CERS3: variants seen among roughly 807,000 people sequenced by gnomAD.
CERS3 encodes the protein LAG1 homolog, ceramide synthase 3.
In CERS3, 33 loss-of-function variants were observed where a neutral mutation model predicts 50.3. That is an observed-to-expected ratio of 0.66 (90% confidence interval 0.50 to 0.88). The LOEUF is 0.88. Among genes scored for constraint, CERS3 ranks in the 40% least tolerant of loss-of-function variants. CERS3 has a pLI of 0.00. For synonymous variants in CERS3, 176 were observed against 155.2 expected, an observed-to-expected ratio of 1.13 and a Z score of -0.99; for missense variants, 470 against 460.3, an observed-to-expected ratio of 1.02 and a Z score of -0.19.
At chr15:100,419,705 A>G (rs1041011001) in intron 11 of CERS3, among the ~76,000 whole-genome samples, 5 of 152,040 alleles carry the variant, frequency 3.3e-5, no homozygotes, top group African/African-American at 1.2e-4. Context: ...CAGCAAATGT[A>G]AAAGAATAGA....
intron 11 of CERS3, 152 bp downstream of exon 11, chr15:100,455,741 C>T (rs1567629871): frequency 1.1e-5 from 5 of 457,216 alleles, no homozygotes; most frequent in Non-Finnish European, 1.4e-5. Flanking sequence ...AAAAATCTAG[C>T]TCTATTTTTC....
At chr15:100,466,779 TCCTTCCTTCCTTCCTC>T (rs1191623528) in intron 10 of CERS3, among the ~76,000 whole-genome samples, 10 of 43,032 alleles carry the variant, frequency 2.3e-4, no homozygotes, top group Admixed American at 5.1e-4. Flanking sequence ...CTTCCTTCCT[TCCTTCCTTCCTTCCTC>T]CCTCCCTCCC....
At chr15:100,435,623 G>A (rs992180077) in intron 11 of CERS3, among the ~76,000 whole-genome samples, 10 of 152,176 alleles carry the variant, frequency 6.6e-5, no homozygotes, top group South Asian at 4.1e-4. Context: ...ATTGACAAAT[G>A]GGATCTAATT....
In CERS3 at chr15:100,402,666, A is replaced by G. The variant is rs2142036464; in HGVS notation, c.*47T>C. On this transcript the variant is annotated 3_prime_UTR_variant, in exon 12 of 12. Transcript: ENST00000679737. The stretch of plus-strand genomic sequence containing the variant: ...GTGGGGCCTGGAAGCCAGGCTGCCA[A>G]CAGTACTTGCAGCATGCTGTGCCAT... 1.3e-6 allele frequency: 2 copies of G among 1,584,560 alleles called. No individual in the cohort carries two copies. The highest frequency in any genetic ancestry group is 2.3e-5 in the East Asian group (1 of 44,104).
chr15:100,513,540 C>T (rs201273634), intron 2 of CERS3, among the ~76,000 whole-genome samples: 27 of 143,954 alleles, frequency 1.9e-4, no homozygotes, highest in African/African-American at 5.1e-4. Context: ...GTTTTCTTTT[C>T]TTTTTTTTTT....
chr15:100,496,649 A>T (rs115691663), intron 3 of CERS3, among the ~76,000 whole-genome samples: 2,199 of 152,270 alleles, frequency 0.014, 54 homozygotes, highest in African/African-American at 0.05. Context: ...TTTTGGATGA[A>T]CTTTATTGTA....
intron 3 of CERS3, among the ~76,000 whole-genome samples, chr15:100,498,649 C>T (rs150391646): frequency 3.9e-5 from 6 of 152,174 alleles, no homozygotes; most frequent in African/African-American, 1.2e-4. Flanking sequence ...GACGGCCCCC[C>T]CTTTGTCTAG....
chr15:100,422,940 T>TG (rs1175573780), intron 11 of CERS3, among the ~76,000 whole-genome samples: 499 of 11,446 alleles, frequency 0.044, 6 homozygotes, highest in African/African-American at 0.14. Flanking sequence ...TGTTGTGGGG[T>TG]GGGGGGGAGG....
upstream of CERS3, among the ~76,000 whole-genome samples, chr15:100,533,529 G>A (rs916068537): frequency 1.6e-4 from 22 of 133,734 alleles, no homozygotes; most frequent in Admixed American, 4.6e-4. Flanking sequence ...TTTCTCTTTC[G>A]TTCCTTCTTT....
At chr15:100,410,158 T>G (rs1483826592) in intron 11 of CERS3, among the ~76,000 whole-genome samples, 3 of 152,174 alleles carry the variant, frequency 2.0e-5, no homozygotes, top group Non-Finnish European at 4.4e-5. Flanking sequence ...GGTCATGATT[T>G]TTGCGAGGTC....
At chr15:100,481,583 G>A (rs754141874) in intron 5 of CERS3, among the ~76,000 whole-genome samples, 14 of 152,196 alleles carry the variant, frequency 9.2e-5, no homozygotes, top group Non-Finnish European at 1.8e-4. Flanking sequence ...CAGCTCCATC[G>A]GGCACGGTGC....
intron 11 of CERS3, among the ~76,000 whole-genome samples, chr15:100,452,038 A>G (rs886478688): frequency 1.3e-5 from 2 of 152,222 alleles, no homozygotes; most frequent in African/African-American, 4.8e-5. Flanking sequence ...GGAGACTTCA[A>G]CACCCTCCTA....
At chr15:100,421,245 C>G (rs1313218119) in intron 11 of CERS3, among the ~76,000 whole-genome samples, 4 of 149,684 alleles carry the variant, frequency 2.7e-5, no homozygotes, top group South Asian at 4.2e-4. Flanking sequence ...TCTCAGGATA[C>G]AAAATCAATG....
At chr15:100,464,433 C>T (rs1464602657) in intron 10 of CERS3, among the ~76,000 whole-genome samples, 1 of 152,106 alleles carries the variant, frequency 6.6e-6, no homozygotes, top group Admixed American at 6.5e-5. Context: ...AGCAACAAGC[C>T]ACCCTGCCCC....
intron 10 of CERS3, among the ~76,000 whole-genome samples, chr15:100,468,859 G>T (rs2034870471): frequency 6.6e-6 from 1 of 152,090 alleles, no homozygotes; most frequent in African/African-American, 2.4e-5. Context: ...TAGAACCAGT[G>T]GTCATAGAGA....
At chr15:100,411,842 C>T (rs1016581628) in intron 11 of CERS3, among the ~76,000 whole-genome samples, 3 of 152,034 alleles carry the variant, frequency 2.0e-5, no homozygotes, top group Admixed American at 6.6e-5. Context: ...TTTTGATTTG[C>T]GTTTCCCTAA....
chr15:100,441,247 T>TACCCCTTATTTCCATGCCCCA (rs2033669462), intron 11 of CERS3, among the ~76,000 whole-genome samples: 1 of 140,144 alleles, frequency 7.1e-6, no homozygotes, highest in Admixed American at 7.1e-5. Flanking sequence ...TCTGTGCCCC[T>TACCCCTTATTTCCATGCCCCA]ACCCCTTATT....
rs1354332 is a variant in CERS3 at position 100,501,691 on chromosome 15, T to C, written c.159A>G (p.Arg53=). The change falls in exon 3 of 12, where the codon AGA becomes AGG. Residue 53 remains arginine, a synonymous_variant. Transcript: ENST00000679737. The part of the protein sequence containing the change: ...IPYAFLLLII[R]RVFEKFVASP... ...GTACTACTTACTTTTCAAATACACG[T>C]CTGATAATCAGCAAGAGAAAAGCAT... 0.86 allele frequency: 1,394,362 copies of C among 1,612,716 alleles called. 607,261 individuals are homozygous for C. Among genetic ancestry groups the C allele is most frequent in the East Asian group, 0.92 (41,445 of 44,844 alleles).
intron 2 of CERS3, among the ~76,000 whole-genome samples, chr15:100,519,635 G>A (rs1449776580): frequency 6.6e-6 from 1 of 152,138 alleles, no homozygotes; most frequent in African/African-American, 2.4e-5. Context: ...GCCCAGTGAA[G>A]CTGTTTCTCA....
Sources: allele counts gnomAD v4.1 joint callset (sites outside exome capture counted in the v4.1 genomes callset), GRCh38; gene constraint gnomAD v4.1.1; transcripts MANE v1.5; gene names NCBI Gene and HGNC (gene_info 2026-07-23, HGNC 2026-07-21).